The following SQLE variants were observed in gnomAD, a reference collection of about 807,000 sequenced individuals.
The protein encoded by SQLE is squalene monooxygenase.
SQLE carries 29 observed loss-of-function variants against 60.7 expected under a neutral mutation model. The observed-to-expected ratio is 0.48, with a 90% CI of 0.36 to 0.65. SQLE has a LOEUF of 0.65. Among genes scored for constraint, SQLE ranks in the 30% least tolerant of loss-of-function variants. The pLI, the probability that SQLE is intolerant of heterozygous loss-of-function variation, is 0.00. For missense variants in SQLE, 605 were observed against 684.1 expected (o/e 0.88, Z 1.29); for synonymous variants, 237 against 246.8 (o/e 0.96, Z 0.37).
chr8:125,003,563 A>G, intron 2 of SQLE, 135 bp downstream of exon 2: 1 of 1,095,676 alleles, frequency 9.1e-7, no homozygotes, highest in Non-Finnish European at 1.3e-6. Context: ...TTACCAACAA[A>G]TTTGCATGAA....
chr8:125,015,654 A>T (rs963651697), intron 7 of SQLE, among the ~76,000 whole-genome samples: 1 of 152,146 alleles, frequency 6.6e-6, no homozygotes, highest in African/African-American at 2.4e-5. Flanking sequence ...AACTAATAAA[A>T]ACTCTACACT....
At chr8:125,001,241 G>T (rs1447112635) in intron 1 of SQLE, among the ~76,000 whole-genome samples, 2 of 152,158 alleles carry the variant, frequency 1.3e-5, no homozygotes, top group African/African-American at 4.8e-5. Flanking sequence ...CTGTTTTCAT[G>T]CTGTGTAGAG....
intron 7 of SQLE, among the ~76,000 whole-genome samples, chr8:125,017,644 G>A (rs1408035887): frequency 6.6e-6 from 1 of 152,148 alleles, no homozygotes. Context: ...GCTGACTTTT[G>A]GTTCTTATGA....
intron 7 of SQLE, among the ~76,000 whole-genome samples, chr8:125,014,755 C>T (rs770446396): frequency 6.6e-6 from 1 of 152,130 alleles, no homozygotes; most frequent in African/African-American, 2.4e-5. Context: ...TAGTTTTATT[C>T]CACTGTGGTC....
chr8:125,009,658 G>A (rs1308028344), intron 6 of SQLE, among the ~76,000 whole-genome samples: 3 of 152,170 alleles, frequency 2.0e-5, no homozygotes, highest in Non-Finnish European at 2.9e-5. Context: ...AGCCGAGTGT[G>A]GTGGTGCATG....
intron 3 of SQLE, among the ~76,000 whole-genome samples, chr8:125,007,031 G>A (rs911356717): frequency 6.6e-6 from 1 of 152,094 alleles, no homozygotes; most frequent in South Asian, 2.1e-4. Context: ...CAGTTTGCAG[G>A]ATGCATTCCA....
intron 7 of SQLE, among the ~76,000 whole-genome samples, chr8:125,013,642 C>T (rs933988226): frequency 1.3e-5 from 2 of 152,124 alleles, no homozygotes; most frequent in African/African-American, 2.4e-5. Context: ...CATGAGCCAC[C>T]ATGCCTGGCC....
intron 8 of SQLE, among the ~76,000 whole-genome samples, 197 bp downstream of exon 8, chr8:125,018,398 A>G (rs1815143711): frequency 6.6e-6 from 1 of 152,208 alleles, no homozygotes; most frequent in Admixed American, 6.5e-5. Flanking sequence ...AATATTATGT[A>G]ACACTTGATT....
In SQLE at chr8:125,005,528, C is replaced by T; in HGVS notation, c.548C>T (p.Thr183Ile). The T allele has an allele frequency of 6.3e-7, 1 of 1,586,362 alleles. No homozygotes were observed. Among genetic ancestry groups the T allele is most frequent in the Non-Finnish European group, 8.6e-7 (1 of 1,162,668 alleles). The change falls in exon 3 of 11, where the codon ACA becomes ATA. Residue 183 changes from threonine to isoleucine, a missense_variant. Transcript: ENST00000265896. ...HVLKDLGLGD[T>I]VEGLDAQVVN... Reference sequence around the variant, plus strand: ...TTTGAACTCGATTGCTTTGCAGATACAGTGGAAGGTCTTGATGCCCAGGTT... The same window carrying T: ...TTTGAACTCGATTGCTTTGCAGATATAGTGGAAGGTCTTGATGCCCAGGTT...
At chr8:125,011,254 T>A (rs1327003266) in intron 6 of SQLE, 8 of 219,272 alleles carry the variant, frequency 3.6e-5, no homozygotes, top group Non-Finnish European at 6.2e-5. Context: ...TCTCCCTGTT[T>A]CATTTCATCT....
rs1181544572 is a variant in SQLE at position 124,998,597 on chromosome 8, G to C, written c.-807G>C. ...CGCTGGCGAGAGCCGCCGCCCGCGA[G>C]GGATGCTGGTGAGGAAGCCGTCGGG... is the stretch of plus-strand genomic sequence containing the variant. On this transcript the variant is annotated 5_prime_UTR_variant, in exon 1 of 11. Coordinates refer to ENST00000265896, the MANE Select transcript of SQLE (RefSeq NM_003129.4). 4 of 686,036 alleles carry C rather than the reference G, an allele frequency of 5.8e-6. No homozygotes were observed. The Admixed American group carries it at 8.3e-5, about 14-fold the overall frequency. The allele number at this position is 686,036 out of a possible 1,614,324, so 42.5% of individuals were successfully genotyped here.
At chr8:125,008,111 C>T (rs1182434233) in intron 4 of SQLE, among the ~76,000 whole-genome samples, 8 of 151,842 alleles carry the variant, frequency 5.3e-5, no homozygotes, top group South Asian at 2.1e-4. Flanking sequence ...TTTTTTGAGA[C>T]GGAGTTTCAC....
intron 9 of SQLE, 30 bp from the exon 10 acceptor site, chr8:125,020,754 A>G: frequency 1.4e-6 from 2 of 1,389,022 alleles, no homozygotes; most frequent in Non-Finnish European, 1.0e-6. Flanking sequence ...GTGTGTACAC[A>G]TATTTGATTA....
intron 7 of SQLE, among the ~76,000 whole-genome samples, chr8:125,015,891 C>A (rs752833043): frequency 6.6e-6 from 1 of 150,998 alleles, no homozygotes; most frequent in Non-Finnish European, 1.5e-5. Flanking sequence ...CATAAAAGTT[C>A]TTTTCCTTCA....
At chr8:125,019,046 G>A (rs192010088) in intron 9 of SQLE, 1 of 215,124 alleles carries the variant, frequency 4.6e-6, no homozygotes, top group African/African-American at 2.3e-5. Flanking sequence ...TTTTGGCCAT[G>A]TATTAAAAGG....
intron 6 of SQLE, chr8:125,010,859 A>G (rs911819268): frequency 1.3e-5 from 2 of 151,832 alleles, no homozygotes; most frequent in South Asian, 2.1e-4. Flanking sequence ...GTAGGTTTAT[A>G]TTAATATTAG....
In SQLE at chr8:125,022,133, A is replaced by C. The variant is rs1802526; in HGVS notation, c.*188A>C. On this transcript the variant is annotated 3_prime_UTR_variant, in exon 11 of 11. Transcript: ENST00000265896. ...ATGTAAATACATGCTTTAATTTGCAATTTAAAATGAAGGGGTTAAATAAGT... is the reference window on the plus strand; with the variant it reads ...ATGTAAATACATGCTTTAATTTGCACTTTAAAATGAAGGGGTTAAATAAGT... 1 of 382,664 alleles carries C rather than the reference A, an allele frequency of 2.6e-6. No individual in the cohort carries two copies. Among genetic ancestry groups the C allele is most frequent in the Admixed American group, 4.5e-5 (1 of 22,208 alleles). The allele number at this position is 382,664 out of a possible 1,614,324, so 23.7% of individuals were successfully genotyped here.
chr8:125,003,194 A>T lies in SQLE; in HGVS notation c.310A>T (p.Ile104Phe), dbSNP rs781041736. Reference protein sequence around the residue: ...EARRRRKGTNISETSLIGTAA... With the variant: ...EARRRRKGTNFSETSLIGTAA... ...TAAACAGCGCAGAAAAGGAACCAATATTTCAGAAACAAGCTTAATAGGAAC... is the reference window on the plus strand; with the variant it reads ...TAAACAGCGCAGAAAAGGAACCAATTTTTCAGAAACAAGCTTAATAGGAAC... The change falls in exon 2 of 11, where the codon ATT (isoleucine) becomes TTT (phenylalanine). Residue 104 changes from isoleucine to phenylalanine, a missense_variant. Coordinates refer to ENST00000265896, the MANE Select transcript of SQLE (RefSeq NM_003129.4). The T allele has an allele frequency of 1.5e-5, 24 of 1,609,574 alleles. No individual in the cohort carries two copies. In the South Asian group the frequency reaches 2.7e-4, roughly 18 times the overall value.
chr8:125,021,963 T>TA lies in SQLE; in HGVS notation c.*18_*19insA, dbSNP rs1247002405. 6.4e-7 allele frequency: 1 copy of TA among 1,554,904 alleles called. No homozygotes were observed. The highest frequency in any genetic ancestry group is 1.4e-5 in the African/African-American group (1 of 73,642). ...TTCATTAAGCTTAAAGGGGAACCATTTGTGAATGAATATTTGGAACTTACC... is the reference window on the plus strand; with the variant it reads ...TTCATTAAGCTTAAAGGGGAACCATTATGTGAATGAATATTTGGAACTTACC... On this transcript the variant is annotated 3_prime_UTR_variant, in exon 11 of 11. Coordinates refer to ENST00000265896, the MANE Select transcript of SQLE (RefSeq NM_003129.4).
Sources: allele counts gnomAD v4.1 joint callset (sites outside exome capture counted in the v4.1 genomes callset), GRCh38; gene constraint gnomAD v4.1.1; transcripts MANE v1.5; gene names NCBI Gene and HGNC (gene_info 2026-07-23, HGNC 2026-07-21).